The following FAN1 variants were observed in gnomAD, a reference collection of about 807,000 sequenced individuals.
FAN1 encodes the protein fanconi-associated nuclease 1.
In FAN1, 91 loss-of-function variants were observed where a neutral mutation model predicts 104.9. The observed-to-expected ratio is 0.87, with a 90% CI of 0.73 to 1.03. FAN1 has a LOEUF of 1.03. Ranked by LOEUF, FAN1 falls within the 50% of genes least tolerant of loss-of-function variation. FAN1 has a pLI of 0.00. For missense variants in FAN1, 1,263 were observed against 1,239.9 expected (o/e 1.02, Z -0.28); for synonymous variants, 478 against 457.6 (o/e 1.04, Z -0.57).
chr15:30,928,469 TATG>T lies in FAN1; in HGVS notation c.2489-83_2489-81del, dbSNP rs1008836328. ...TCTTGAAATTGAGTGTGCAGTAGGT[TATG>T]GTGGTGTTTTGGAAGAAACAGATAA... is the stretch of plus-strand genomic sequence containing the variant. On this transcript the variant is annotated intron_variant, in intron 10 of 14. Transcript: ENST00000362065. The T allele has an allele frequency of 1.0e-5, 16 of 1,570,250 alleles. No individual in the cohort carries two copies. In the East Asian group the frequency reaches 1.4e-4, roughly 13 times the overall value.
chr15:30,915,050 A>G (rs1199929928), intron 5 of FAN1, among the ~76,000 whole-genome samples: 2 of 152,206 alleles, frequency 1.3e-5, no homozygotes, highest in African/African-American at 4.8e-5. Context: ...TAGGGAGTCA[A>G]CCTAAGTGTC....
chr15:30,909,755 C>T (rs777313037), intron 3 of FAN1, among the ~76,000 whole-genome samples: 18 of 152,222 alleles, frequency 1.2e-4, no homozygotes, highest in Non-Finnish European at 2.4e-4. Flanking sequence ...CTGACTTTCC[C>T]CTCCACCCAG....
intron 5 of FAN1, 61 bp from the exon 6 acceptor site, chr15:30,918,103 A>T: frequency 6.4e-7 from 1 of 1,563,778 alleles, no homozygotes; most frequent in Non-Finnish European, 8.8e-7. Flanking sequence ...AGTGGCTAGG[A>T]TGTGGTCATT....
At chr15:30,915,480 G>C (rs1343833930) in intron 5 of FAN1, among the ~76,000 whole-genome samples, 1 of 152,146 alleles carries the variant, frequency 6.6e-6, no homozygotes, top group African/African-American at 2.4e-5. Context: ...ATAAATGTTT[G>C]AGGTGATGCC....
chr15:30,909,865 C>T (rs1947890107), intron 3 of FAN1, among the ~76,000 whole-genome samples: 1 of 152,254 alleles, frequency 6.6e-6, no homozygotes, highest in African/African-American at 2.4e-5. Flanking sequence ...GTGTGAAATA[C>T]AGCCAGCCTC....
chr15:30,904,368 TGTCGGAGGGGCTTG>T, intron 1 of FAN1, 130 bp from the exon 2 acceptor site: 1 of 508,776 alleles, frequency 2.0e-6, no homozygotes, highest in South Asian at 2.1e-5. Flanking sequence ...GTACAGAGCT[TGTCGGAGGGGCTTG>T]GTCTTCTGTC....
Position 30,942,123 on chromosome 15 carries a change from T to C in FAN1, c.*561T>C, listed in dbSNP as rs2063075594. On this transcript the variant is annotated 3_prime_UTR_variant, in exon 15 of 15. Coordinates refer to ENST00000362065, the MANE Select transcript of FAN1 (RefSeq NM_014967.5). ...TCCGGGGATTCCCTTTTTAGAAAGA[T>C]TGAAGGATGCAATGGCAAATATAAA... is the stretch of plus-strand genomic sequence containing the variant. 1.4e-5 allele frequency: 22 copies of C among 1,552,426 alleles called. No homozygotes were observed. Among genetic ancestry groups the C allele is most frequent in the Admixed American group, 7.6e-5 (4 of 52,822 alleles).
intron 6 of FAN1, among the ~76,000 whole-genome samples, chr15:30,919,212 C>G (rs945304366): frequency 6.6e-6 from 1 of 151,670 alleles, no homozygotes; most frequent in African/African-American, 2.4e-5. Context: ...GAAACCTCGT[C>G]TCTACTAAAA....
chr15:30,934,757 C>T (rs186356122), intron 13 of FAN1, among the ~76,000 whole-genome samples: 4 of 152,158 alleles, frequency 2.6e-5, no homozygotes, highest in African/African-American at 7.2e-5. Context: ...GAAGTGGTTG[C>T]GTTAGTATAT....
intron 5 of FAN1, among the ~76,000 whole-genome samples, chr15:30,917,594 G>T (rs1382788844): frequency 6.6e-6 from 1 of 152,142 alleles, no homozygotes; most frequent in African/African-American, 2.4e-5. Flanking sequence ...AGAATTTGTT[G>T]GTCAAATGTC....
intron 10 of FAN1, chr15:30,926,851 A>G: frequency 1.0e-6 from 1 of 985,414 alleles, no homozygotes; most frequent in Non-Finnish European, 1.2e-6. Flanking sequence ...TTTTTCCCTG[A>G]TTAAAATCGA....
rs1415187932 is a variant in FAN1 at position 30,904,549 on chromosome 15, A to G, written c.-115A>G. The G allele has an allele frequency of 4.0e-6, 4 of 996,064 alleles. No homozygotes were observed. Among genetic ancestry groups the G allele is most frequent in the African/African-American group, 3.2e-5 (2 of 63,248 alleles). The allele number at this position is 996,064 out of a possible 1,614,324, so 61.7% of individuals were successfully genotyped here. A position where few individuals can be genotyped will look rare whatever the true frequency, so the allele number is the denominator to read the frequency against. ...GTCGAGACGAATAACATGAGGTCAT[A>G]TAGAATCCCACTTTTGGTGATTTCA... On this transcript the variant is annotated 5_prime_UTR_variant, in exon 2 of 15. The change creates a new upstream start codon in the 5' untranslated region. Transcript: ENST00000362065.
chr15:30,929,896 A>AAT lies in FAN1; in HGVS notation c.2787+505_2787+506dup, dbSNP rs1276696213. ...AAAATATATAATATATATCATATATAATATATAAAATATATAATATATATC... is the reference window on the plus strand; with the variant it reads ...AAAATATATAATATATATCATATATAATATATATAAAATATATAATATATATC... On this transcript the variant is annotated intron_variant, in intron 12 of 14. Coordinates refer to ENST00000362065, the MANE Select transcript of FAN1 (RefSeq NM_014967.5). 7.0e-4 allele frequency among the ~76,000 whole-genome samples: 51 copies of AAT among 73,106 alleles called. No homozygotes were observed. In the Admixed American group the frequency reaches 7.5e-3, roughly 11 times the overall value. 48.0% of individuals were successfully genotyped at this position (73,106 alleles called of 152,430 possible).
Position 30,908,267 on chromosome 15 carries a change from A to AG in FAN1, c.1375+10dup. On this transcript the variant is annotated intron_variant, in intron 3 of 14. Coordinates refer to ENST00000362065, the MANE Select transcript of FAN1 (RefSeq NM_014967.5). ...AGGCTTTCTACAGACAGGTATGACT[A>AG]GTAGAAGGAGATGTGAAATGAAAAT... 1.3e-6 allele frequency: 2 copies of AG among 1,571,964 alleles called. No individual in the cohort carries two copies. The highest frequency in any genetic ancestry group is 1.7e-6 in the Non-Finnish European group (2 of 1,161,774).
chr15:30,911,278 C>G, intron 4 of FAN1: 2 of 987,260 alleles, frequency 2.0e-6, no homozygotes, highest in Non-Finnish European at 2.4e-6. Flanking sequence ...TGACCTGTTT[C>G]AGTTGAAAAT....
chr15:30,935,362 G>A (rs2062824331), intron 13 of FAN1, among the ~76,000 whole-genome samples: 1 of 152,092 alleles, frequency 6.6e-6, no homozygotes, highest in African/African-American at 2.4e-5. Context: ...AGTTCTGCTA[G>A]TAATGAATTA....
intron 8 of FAN1, 133 bp downstream of exon 8, chr15:30,922,487 C>A: frequency 1.1e-6 from 1 of 949,000 alleles, no homozygotes; most frequent in Non-Finnish European, 1.6e-6. Context: ...CTTCTTTTGT[C>A]TGTGTTCTTC....
At chr15:30,939,452 C>T (rs1220338572) in intron 14 of FAN1, 2 of 985,432 alleles carry the variant, frequency 2.0e-6, no homozygotes, top group East Asian at 1.1e-4. Context: ...CCTGGCCCGA[C>T]TGAAGGCTGT....
intron 5 of FAN1, among the ~76,000 whole-genome samples, chr15:30,915,323 T>C (rs1356083158): frequency 1.3e-5 from 2 of 151,966 alleles, no homozygotes; most frequent in African/African-American, 4.8e-5. Flanking sequence ...TAGGGAAAGG[T>C]TGGTTAACAG....
Sources: allele counts gnomAD v4.1 joint callset (sites outside exome capture counted in the v4.1 genomes callset), GRCh38; gene constraint gnomAD v4.1.1; transcripts MANE v1.5; gene names NCBI Gene and HGNC (gene_info 2026-07-23, HGNC 2026-07-21).